Variants in VWF observed in about 807,000 individuals in gnomAD.
The protein encoded by VWF is Factor VIII related antigen.
Under a neutral mutation model 308.6 loss-of-function variants are expected in VWF, and 176 were observed. The observed-to-expected ratio is 0.57, with a 90% CI of 0.50 to 0.65. The LOEUF (loss-of-function observed/expected upper bound fraction) is 0.65. VWF is among the 30% of genes least tolerant of loss of function. VWF has a pLI of 0.00. For missense variants in VWF, 3,146 were observed against 3,648.2 expected (o/e 0.86, Z 3.55); for synonymous variants, 1,385 against 1,443.4 (o/e 0.96, Z 0.92).
intron 9 of VWF, among the ~76,000 whole-genome samples, chr12:6,071,581 G>GA (rs900876816): frequency 9.1e-4 from 138 of 150,964 alleles, no homozygotes; most frequent in African/African-American, 3.2e-3. Flanking sequence ...AAAGAAGAAA[G>GA]AAAAAAAAAC....
chr12:6,088,477 T>TAA (rs533608912), intron 6 of VWF, among the ~76,000 whole-genome samples: 4 of 110,984 alleles, frequency 3.6e-5, no homozygotes, highest in Non-Finnish European at 1.9e-5. Flanking sequence ...AGACTCTGTC[T>TAA]AAAAAAAAAA....
In VWF at chr12:6,061,977, G is replaced by A. The variant is rs1041205383; in HGVS notation, c.1533+977C>T. Among the ~76,000 whole-genome samples the A allele has an allele frequency of 2.0e-5, 3 of 152,072 alleles. No homozygotes were observed. The East Asian group carries it at 5.8e-4, about 29-fold the overall frequency. ...GGTATTATTCTTGTTGCTTATTTTT[G>A]TTCTGGCAAACAGTTACTTTTCCCC... On this transcript the variant is annotated intron_variant, in intron 13 of 51. Transcript: ENST00000261405.
intron 18 of VWF, 82 bp from the exon 19 acceptor site, chr12:6,036,573 T>C: frequency 2.2e-6 from 3 of 1,343,020 alleles, no homozygotes; most frequent in East Asian, 4.8e-5. Flanking sequence ...GGAAGTGTTG[T>C]CTGAGACTTG....
intron 49 of VWF, 185 bp downstream of exon 49, chr12:5,952,206 C>A (rs1943199528): frequency 1.2e-6 from 1 of 862,390 alleles, no homozygotes; most frequent in East Asian, 2.7e-5. Context: ...TTTAAAACAT[C>A]CTATATTGCA....
In VWF at chr12:6,058,523, G is replaced by A. The variant is rs1233712031; in HGVS notation, c.1534-479C>T. Among the ~76,000 whole-genome samples, 4 of 152,214 alleles carry A rather than the reference G, an allele frequency of 2.6e-5. No individual in the cohort carries two copies. Among genetic ancestry groups the A allele is most frequent in the Non-Finnish European group, 5.9e-5 (4 of 68,040 alleles). On this transcript the variant is annotated intron_variant, in intron 13 of 51. Transcript: ENST00000261405. This position sits in a 1 kb window ranked among gnomAD's most constrained non-coding sequence, Gnocchi z 4.9. ...AAAGACTTCGCGTTGGTCACTCGGT[G>A]TGGGCCCAGCAGGCTGCCAGGTGTG...
intron 47 of VWF, among the ~76,000 whole-genome samples, chr12:5,957,392 A>G (rs1943263660): frequency 6.6e-6 from 1 of 152,226 alleles, no homozygotes; most frequent in South Asian, 2.1e-4. Flanking sequence ...ATTTTTCTCA[A>G]TTTGATCAGA....
chr12:6,074,381 G>A lies in VWF; in HGVS notation c.875-640C>T, dbSNP rs1944815965. ...CGACATTCAGGCTGACTGAAAGACC[G>A]AAACACATAAGCACTCTTTTCTGGG... On this transcript the variant is annotated intron_variant, in intron 7 of 51. Transcript: ENST00000261405. Among the ~76,000 whole-genome samples the A allele has an allele frequency of 2.7e-5, 4 of 149,312 alleles. No homozygotes were observed. In the South Asian group the frequency reaches 8.4e-4, roughly 31 times the overall value.
intron 34 of VWF, among the ~76,000 whole-genome samples, chr12:6,002,019 T>A (rs1943877930): frequency 6.6e-6 from 1 of 152,058 alleles, no homozygotes; most frequent in Non-Finnish European, 1.5e-5. Flanking sequence ...AGTACAGAAT[T>A]TCTTTAGAAA....
rs767909540 is a variant in VWF, at chr12:6,016,075, C to T, written c.5455+14G>A. ...TCGCTCTCCTGAATTGAGGACTGTA[C>T]ACCAGATTCTTACTGTTGGACCTGG... On this transcript the variant is annotated intron_variant, in intron 31 of 51. Coordinates refer to ENST00000261405, the MANE Select transcript of VWF (RefSeq NM_000552.5). 3 of 1,614,040 alleles carry T rather than the reference C, an allele frequency of 1.9e-6. No homozygotes were observed. Among genetic ancestry groups the T allele is most frequent in the East Asian group, 4.5e-5 (2 of 44,890 alleles).
At chr12:6,010,721 A>G (rs1943984139) in intron 34 of VWF, among the ~76,000 whole-genome samples, 1 of 152,224 alleles carries the variant, frequency 6.6e-6, no homozygotes, top group Non-Finnish European at 1.5e-5. Context: ...GCTTTTAATC[A>G]CAAAAGGCAA....
At chr12:6,013,294 G>A (rs1197157547) in intron 32 of VWF, among the ~76,000 whole-genome samples, 187 bp downstream of exon 32, 1 of 152,204 alleles carries the variant, frequency 6.6e-6, no homozygotes, top group East Asian at 1.9e-4. Context: ...TGGCCCCATG[G>A]GGGCTTGTGG....
At chr12:6,073,919 T>C (rs1326815251) in intron 7 of VWF, among the ~76,000 whole-genome samples, 178 bp from the exon 8 acceptor site, 1 of 152,074 alleles carries the variant, frequency 6.6e-6, no homozygotes. Context: ...ACCCCTCCCT[T>C]AGATGAACAT....
In VWF at chr12:6,025,903, T is replaced by C. The variant is rs781058887; in HGVS notation, c.3108+3A>G. 6.2e-7 allele frequency: 1 copy of C among 1,613,910 alleles called. No individual in the cohort carries two copies. The highest frequency in any genetic ancestry group is 1.3e-5 in the African/African-American group (1 of 74,990). On this transcript the variant is annotated splice_donor_region_variant and intron_variant, in intron 23 of 51. Coordinates refer to ENST00000261405, the MANE Select transcript of VWF (RefSeq NM_000552.5). ...CTCTGTCCACACAGAGACCCAGACG[T>C]ACTTTTCTGGTGTCAGCACACTGCG...
rs534379046 is a variant in VWF, at chr12:6,016,817, G to A, written c.5107C>T (p.Pro1703Ser). The stretch of plus-strand genomic sequence containing the variant: ...TTCATTTCATCAAAATAAGAAGCTG[G>A]GAAACTGGAGGAGCCATCCAGGAGA... ...ILLLDGSSSF[P>S]ASYFDEMKSF... Residue 1703 changes from proline to serine, a missense_variant, in exon 29 of 52, where the codon CCA becomes TCA. Pro to Ser is a moderately conservative substitution (Grantham distance 74, BLOSUM62 -1). This residue lies in a region of VWF where 853 missense variants were observed against 1,177.8 expected (regional missense o/e 0.72). Transcript: ENST00000261405. The A allele has an allele frequency of 6.2e-7, 1 of 1,614,080 alleles. No individual in the cohort carries two copies. The highest frequency in any genetic ancestry group is 1.3e-5 in the African/African-American group (1 of 75,062).
intron 34 of VWF, among the ~76,000 whole-genome samples, chr12:6,007,054 C>T (rs57381164): frequency 0.042 from 6,404 of 152,172 alleles, 456 homozygotes; most frequent in African/African-American, 0.15. Flanking sequence ...GTACATTGCA[C>T]CCAACATTAA....
chr12:6,112,118 C>T (rs941580493), intron 3 of VWF, among the ~76,000 whole-genome samples: 3 of 152,068 alleles, frequency 2.0e-5, no homozygotes, highest in South Asian at 2.1e-4. Flanking sequence ...GTGGGTCAAA[C>T]GCCTTACACA....
chr12:6,055,759 T>TACAC (rs775653228), intron 15 of VWF, among the ~76,000 whole-genome samples: 1,604 of 66,284 alleles, frequency 0.024, 16 homozygotes, highest in East Asian at 0.042. Flanking sequence ...TATATATATG[T>TACAC]ATACACACAC....
At chr12:6,107,721 C>T (rs184106008) in intron 5 of VWF, among the ~76,000 whole-genome samples, 3 of 151,930 alleles carry the variant, frequency 2.0e-5, no homozygotes, top group Middle Eastern at 3.2e-3. Flanking sequence ...TGCAGTGGTG[C>T]GATTTCAGCT....
chr12:5,976,009 C>A (rs1364758486), intron 43 of VWF, 102 bp downstream of exon 43: 1 of 1,464,340 alleles, frequency 6.8e-7, no homozygotes, highest in Non-Finnish European at 9.1e-7. Context: ...GAGCGAGTCT[C>A]CATTTCAAAA....
Sources: gnomAD v4.1 joint callset for allele counts (sites outside exome capture counted in the v4.1 genomes callset) on GRCh38, gnomAD v4.1.1 for gene constraint, gnomAD v4.1.1 regional missense constraint, Gnocchi (gnomAD v3.1) non-coding constraint, MANE v1.5 for transcripts, NCBI Gene and HGNC (gene_info 2026-07-23, HGNC 2026-07-21) for gene names.